CSMD1: variants seen among roughly 807,000 people sequenced by gnomAD.
The protein encoded by CSMD1 is CUB and Sushi multiple domains 1, also known as CUB and sushi domain-containing protein 1.
In CSMD1, 213 loss-of-function variants were observed where a neutral mutation model predicts 417.5. The observed-to-expected ratio is 0.51, with a 90% CI of 0.46 to 0.57. CSMD1 has a LOEUF of 0.57. Among genes scored for constraint, CSMD1 ranks in the 20% least tolerant of loss-of-function variants. The pLI is 0.00. For synonymous variants in CSMD1, 2,862 were observed against 1,736.8 expected, an observed-to-expected ratio of 1.65 and a Z score of -16.11; for missense variants, 6,923 against 4,529.7, an observed-to-expected ratio of 1.53 and a Z score of -15.17.
chr8:3,897,088 T>A (rs1399902162), intron 5 of CSMD1, among the ~76,000 whole-genome samples: 1 of 152,154 alleles, frequency 6.6e-6, no homozygotes, highest in Non-Finnish European at 1.5e-5. Context: ...GAATGTTCCT[T>A]TCAATACTGG....
At chr8:4,408,283 T>A (rs1246687895) in intron 3 of CSMD1, among the ~76,000 whole-genome samples, 9 of 152,136 alleles carry the variant, frequency 5.9e-5, no homozygotes, top group Non-Finnish European at 1.0e-4. Flanking sequence ...AAGGTTATAT[T>A]ATGAAAGAAC....
At chr8:3,210,992 C>G (rs1187191991) in intron 30 of CSMD1, among the ~76,000 whole-genome samples, 1 of 152,018 alleles carries the variant, frequency 6.6e-6, no homozygotes, top group Non-Finnish European at 1.5e-5. Context: ...CCAGGGGATG[C>G]AAAAATCATT....
At chr8:2,968,611 T>G (rs1204486406) in intron 57 of CSMD1, among the ~76,000 whole-genome samples, 1 of 152,288 alleles carries the variant, frequency 6.6e-6, no homozygotes, top group African/African-American at 2.4e-5. Flanking sequence ...CAAAAACCAC[T>G]TTCACTCACG....
intron 1 of CSMD1, among the ~76,000 whole-genome samples, chr8:4,697,002 T>C (rs967194636): frequency 2.0e-5 from 3 of 151,912 alleles, no homozygotes; most frequent in Admixed American, 6.6e-5. Context: ...TGAAACCCTG[T>C]CTCTACTAAA....
At chr8:4,010,618 G>C (rs993252253) in intron 4 of CSMD1, among the ~76,000 whole-genome samples, 6 of 152,066 alleles carry the variant, frequency 3.9e-5, no homozygotes, top group African/African-American at 1.4e-4. Context: ...CTCCATACCA[G>C]GTCACTTACC....
chr8:3,250,503 G>A (rs552360621), intron 26 of CSMD1, among the ~76,000 whole-genome samples: 7 of 152,294 alleles, frequency 4.6e-5, no homozygotes, highest in East Asian at 1.9e-4. Flanking sequence ...ATTGTGAATA[G>A]TGCCGCAATA....
intron 23 of CSMD1, among the ~76,000 whole-genome samples, chr8:3,324,914 C>A (rs1392476709): frequency 6.6e-6 from 1 of 151,668 alleles, no homozygotes; most frequent in African/African-American, 2.4e-5. Flanking sequence ...TTGCCTGGCA[C>A]TGGAATTTAA....
At chr8:3,560,600 G>T (rs912066359) in intron 10 of CSMD1, among the ~76,000 whole-genome samples, 1 of 152,138 alleles carries the variant, frequency 6.6e-6, no homozygotes, top group African/African-American at 2.4e-5. Context: ...GGAATGGAAA[G>T]GCTAGAGAAA....
chr8:3,332,049 T>A (rs1480842136), intron 23 of CSMD1, among the ~76,000 whole-genome samples: 1 of 152,200 alleles, frequency 6.6e-6, no homozygotes, highest in Non-Finnish European at 1.5e-5. Flanking sequence ...TAATAGATCA[T>A]AGATTATCAA....
At chr8:4,607,144 G>C (rs1800919435) in intron 2 of CSMD1, among the ~76,000 whole-genome samples, 1 of 152,062 alleles carries the variant, frequency 6.6e-6, no homozygotes. Context: ...GGGAAAGACA[G>C]TTAATTTTAA....
chr8:4,289,527 T>A (rs1056251300), intron 3 of CSMD1, among the ~76,000 whole-genome samples: 1 of 152,182 alleles, frequency 6.6e-6, no homozygotes, highest in Non-Finnish European at 1.5e-5. Flanking sequence ...GAGCAAGATG[T>A]AACACTTTCA....
intron 7 of CSMD1, among the ~76,000 whole-genome samples, chr8:3,698,655 C>G (rs1480048269): frequency 1.3e-5 from 2 of 152,194 alleles, no homozygotes; most frequent in African/African-American, 4.8e-5. Context: ...AGAGGCATTT[C>G]TGGCAATCTA....
intron 3 of CSMD1, among the ~76,000 whole-genome samples, chr8:4,190,085 C>G (rs1211851055): frequency 3.3e-5 from 5 of 151,654 alleles, no homozygotes; most frequent in Admixed American, 3.3e-4. Context: ...GGTGAAACCC[C>G]ATCTCTACTA....
chr8:3,104,075 T>C (rs961786307), intron 46 of CSMD1, among the ~76,000 whole-genome samples: 1 of 152,320 alleles, frequency 6.6e-6, no homozygotes. Flanking sequence ...GCACATTTGA[T>C]ACATACGTAT....
chr8:3,334,356 A>T (rs980148165), intron 23 of CSMD1, among the ~76,000 whole-genome samples: 2 of 152,164 alleles, frequency 1.3e-5, no homozygotes. Context: ...GTTTTCAAGC[A>T]CCAAAATGAC....
intron 3 of CSMD1, among the ~76,000 whole-genome samples, chr8:4,127,657 C>G (rs763958048): frequency 1.3e-5 from 2 of 152,114 alleles, no homozygotes; most frequent in African/African-American, 4.8e-5. Context: ...ACCCCCTTTA[C>G]TTAGACTACT....
intron 3 of CSMD1, among the ~76,000 whole-genome samples, chr8:4,071,142 G>A (rs1378497845): frequency 2.7e-5 from 4 of 149,718 alleles, no homozygotes; most frequent in African/African-American, 9.8e-5. Flanking sequence ...TTCCAAATTT[G>A]GAGAATGTCA....
intron 8 of CSMD1, among the ~76,000 whole-genome samples, chr8:3,592,675 CGTGT>C: frequency 7.8e-6 from 1 of 127,774 alleles, no homozygotes; most frequent in East Asian, 2.0e-4. Context: ...TGTGCACATC[CGTGT>C]GTGTGTGCAC....
intron 7 of CSMD1, among the ~76,000 whole-genome samples, chr8:3,626,360 G>T (rs1796493429): frequency 2.0e-5 from 3 of 152,136 alleles, no homozygotes; most frequent in Non-Finnish European, 4.4e-5. Flanking sequence ...ATTATTCATG[G>T]TCTCCTCACA....
Sources: gnomAD v4.1 joint callset for allele counts (sites outside exome capture counted in the v4.1 genomes callset) on GRCh38, gnomAD v4.1.1 for gene constraint, MANE v1.5 for transcripts, NCBI Gene and HGNC (gene_info 2026-07-23, HGNC 2026-07-21) for gene names.